MACC1: variants seen among roughly 807,000 people sequenced by gnomAD.
MACC1 encodes the protein metastasis-associated in colon cancer protein 1.
MACC1 carries 79 observed loss-of-function variants against 70.7 expected under a neutral mutation model. The ratio of observed to expected loss-of-function variants is 1.12; its 90% CI spans 0.93 to 1.35. The LOEUF (loss-of-function observed/expected upper bound fraction) is 1.35, where lower values mean the gene tolerates loss of function less well. Ranked by LOEUF, MACC1 falls within the 40% of genes most tolerant of loss-of-function variation. The probability of loss-of-function intolerance (pLI) is 0.00; values close to 1 mark genes in which losing one functional copy is unlikely to be tolerated. For synonymous variants in MACC1, 361 were observed against 347.2 expected, an observed-to-expected ratio of 1.04 and a Z score of -0.44; for missense variants, 1,106 against 978.1, an observed-to-expected ratio of 1.13 and a Z score of -1.74.
At chr7:20,169,422 C>T (rs571897676) in intron 2 of MACC1, among the ~76,000 whole-genome samples, 1 of 152,226 alleles carries the variant, frequency 6.6e-6, no homozygotes, top group African/African-American at 2.4e-5. Flanking sequence ...AAGATCAACC[C>T]CCAATTCAGA....
At chr7:20,147,160 T>G (rs887904111) in intron 6 of MACC1, among the ~76,000 whole-genome samples, 4 of 152,038 alleles carry the variant, frequency 2.6e-5, no homozygotes, top group African/African-American at 9.7e-5. Context: ...AGAAATGAAA[T>G]AGGAATAAAG....
Position 20,154,722 on chromosome 7 carries a change from G to A in MACC1, c.2158-341C>T, listed in dbSNP as rs185796577. The stretch of plus-strand genomic sequence containing the variant: ...ACTTCCAATGGTACTCTGAAGTTCC[G>A]GCAGTCTCTAATTTATCACTCTAGG... On this transcript the variant is annotated intron_variant, in intron 5 of 6. Coordinates refer to ENST00000400331, the MANE Select transcript of MACC1 (RefSeq NM_182762.4). Among the ~76,000 whole-genome samples the A allele has an allele frequency of 8.4e-4, 127 of 152,084 alleles. 1 individual carries two copies. The highest frequency in any genetic ancestry group is 1.3e-4 in the Non-Finnish European group (9 of 67,992).
chr7:20,187,532 C>T (rs561771039), intron 1 of MACC1, among the ~76,000 whole-genome samples: 1 of 152,288 alleles, frequency 6.6e-6, no homozygotes, highest in Non-Finnish European at 1.5e-5. Flanking sequence ...GTCAGAGTGA[C>T]CTTCGTGCAT....
intron 1 of MACC1, among the ~76,000 whole-genome samples, chr7:20,182,672 C>T (rs1457424694): frequency 6.6e-6 from 1 of 152,100 alleles, no homozygotes; most frequent in East Asian, 1.9e-4. Context: ...CGTCCAAGAC[C>T]ATGCTTCTGT....
intron 1 of MACC1, chr7:20,185,042 C>T (rs1270884536): frequency 6.6e-6 from 1 of 152,038 alleles, no homozygotes; most frequent in East Asian, 1.9e-4. Context: ...CCTTTTTAAT[C>T]GTGAGGGTAG....
At chr7:20,201,897 T>C (rs934838680) in intron 1 of MACC1, among the ~76,000 whole-genome samples, 8 of 152,244 alleles carry the variant, frequency 5.3e-5, no homozygotes, top group Admixed American at 3.9e-4. Context: ...TGTCTTCCTG[T>C]AGAGGAAATG....
At chr7:20,157,766 C>CAAA (rs370288319) in intron 5 of MACC1, among the ~76,000 whole-genome samples, 25 of 53,826 alleles carry the variant, frequency 4.6e-4, no homozygotes, top group Admixed American at 7.9e-4. Flanking sequence ...GACTTTGTCT[C>CAAA]AAAAAAAAAA....
In MACC1 at chr7:20,159,728, C is replaced by T. The variant is rs572596707; in HGVS notation, c.633G>A (p.Glu211=). The part of the protein sequence containing the change: ...SPGWAQTQLA[E]VTIACKVNHQ... The stretch of plus-strand genomic sequence containing the variant: ...GGTTTACTTTGCAAGCTATGGTGAC[C>T]TCCGCAAGTTGTGTCTGGGCCCATC... Residue 211 remains glutamate (E), a synonymous_variant, in exon 5 of 7, where the codon GAG becomes GAA. Coordinates refer to ENST00000400331, the MANE Select transcript of MACC1 (RefSeq NM_182762.4). The T allele has an allele frequency of 4.3e-6, 7 of 1,613,986 alleles. No individual in the cohort carries two copies. The highest frequency in any genetic ancestry group is 1.3e-5 in the African/African-American group (1 of 74,916).
Position 20,159,495 on chromosome 7 carries a change from T to G in MACC1, c.866A>C (p.Glu289Ala), listed in dbSNP as rs1386420354. The G allele has an allele frequency of 8.7e-6, 14 of 1,614,020 alleles. No individual in the cohort carries two copies. The highest frequency in any genetic ancestry group is 1.2e-5 in the Non-Finnish European group (14 of 1,180,036). The change falls in exon 5 of 7, where the codon GAG becomes GCG. Residue 289 changes from glutamate (E) to alanine (A), a missense_variant. Transcript: ENST00000400331. ...NLNTMEALLL[E>A]MKIGAEVRKD... is the part of the protein sequence containing the mutation. ...TCTTACTTCAGCCCCAATTTTCATC[T>G]CCAGCAAAAGGGCTTCCATTGTATT...
intron 1 of MACC1, among the ~76,000 whole-genome samples, chr7:20,196,863 C>T (rs1467403802): frequency 6.6e-6 from 1 of 152,166 alleles, no homozygotes; most frequent in Non-Finnish European, 1.5e-5. Flanking sequence ...AGCCCACAAA[C>T]TTCACCTCGC....
intron 2 of MACC1, among the ~76,000 whole-genome samples, chr7:20,164,929 T>C (rs1782191658): frequency 6.6e-6 from 1 of 151,024 alleles, no homozygotes; most frequent in South Asian, 2.1e-4. Flanking sequence ...AAATGAGCAA[T>C]ATGTACTGAG....
chr7:20,155,902 A>G lies in MACC1; in HGVS notation c.2158-1521T>C, dbSNP rs188484558. ...AGGGAAAAGATCTGTACTTGGAGCC[A>G]TAAAACCTGAGTTTAAAATCCAGCT... On this transcript the variant is annotated intron_variant, in intron 5 of 6. Coordinates refer to ENST00000400331, the MANE Select transcript of MACC1 (RefSeq NM_182762.4). Among the ~76,000 whole-genome samples the G allele has an allele frequency of 1.3e-4, 20 of 152,336 alleles. No homozygotes were observed. In the East Asian group the frequency reaches 3.9e-3, roughly 29 times the overall value.
At chr7:20,172,826 G>T (rs1782329283) in intron 1 of MACC1, among the ~76,000 whole-genome samples, 1 of 152,164 alleles carries the variant, frequency 6.6e-6, no homozygotes, top group Non-Finnish European at 1.5e-5. Flanking sequence ...TCAAGGTCAG[G>T]AGCCTATCTC....
intron 1 of MACC1, among the ~76,000 whole-genome samples, chr7:20,184,412 T>G (rs1309708725): frequency 1.3e-5 from 2 of 152,254 alleles, no homozygotes; most frequent in African/African-American, 4.8e-5. Context: ...TCCCAGTCTC[T>G]GCAACAATTT....
rs1402833016 is a variant in MACC1 at position 20,138,818 on chromosome 7, G to T, written c.*2128C>A. On this transcript the variant is annotated 3_prime_UTR_variant, in exon 7 of 7. Transcript: ENST00000400331. ...CTCCTGAGTAGCTGGGACTACAGGCGCCTGCCACCACGCCCGGCTAATTTT... is the reference window on the plus strand; with the variant it reads ...CTCCTGAGTAGCTGGGACTACAGGCTCCTGCCACCACGCCCGGCTAATTTT... 3 of 151,774 alleles carry T rather than the reference G, an allele frequency of 2.0e-5. No homozygotes were observed. The highest frequency in any genetic ancestry group is 4.4e-5 in the Non-Finnish European group (3 of 67,938). 9.4% of individuals were successfully genotyped at this position (151,774 alleles called of 1,614,324 possible).
At chr7:20,177,024 G>A (rs118019653) in intron 1 of MACC1, among the ~76,000 whole-genome samples, 8 of 152,178 alleles carry the variant, frequency 5.3e-5, no homozygotes, top group East Asian at 3.9e-4. Context: ...AAATCTACAC[G>A]TGATAAAATG....
chr7:20,144,594 T>A (rs2128100250), intron 6 of MACC1, among the ~76,000 whole-genome samples: 1 of 152,320 alleles, frequency 6.6e-6, no homozygotes, highest in East Asian at 1.9e-4. Flanking sequence ...TAGTTTGCAT[T>A]TATACTTCTT....
chr7:20,185,549 G>A (rs1019662302), intron 1 of MACC1, among the ~76,000 whole-genome samples: 1 of 151,932 alleles, frequency 6.6e-6, no homozygotes, highest in Admixed American at 6.6e-5. Flanking sequence ...AAAATTTTCT[G>A]CTTTTTTATA....
At chr7:20,211,926 G>C (rs1435696005) in intron 1 of MACC1, among the ~76,000 whole-genome samples, 2 of 152,196 alleles carry the variant, frequency 1.3e-5, no homozygotes, top group Non-Finnish European at 2.9e-5. Context: ...AGAGAAAAGA[G>C]CAAGTTGCAG....
Sources: gnomAD v4.1 joint callset for allele counts (sites outside exome capture counted in the v4.1 genomes callset) on GRCh38, gnomAD v4.1.1 for gene constraint, MANE v1.5 for transcripts, NCBI Gene and HGNC (gene_info 2026-07-23, HGNC 2026-07-21) for gene names.